Variants in KIRREL3 observed in about 807,000 individuals in gnomAD.
KIRREL3 encodes kirre like nephrin family adhesion molecule 3.
In KIRREL3, 36 loss-of-function variants were observed where a neutral mutation model predicts 89.7. The ratio of observed to expected loss-of-function variants is 0.40; its 90% CI spans 0.31 to 0.53. KIRREL3 has a LOEUF of 0.53. Ranked by LOEUF, KIRREL3 falls within the 20% of genes least tolerant of loss-of-function variation. The pLI is 0.49. For synonymous variants in KIRREL3, 445 were observed against 441.4 expected, an observed-to-expected ratio of 1.01 and a Z score of -0.10; for missense variants, 864 against 1,056.6, an observed-to-expected ratio of 0.82 and a Z score of 2.53.
At chr11:126,861,953 T>A (rs1022482539) in intron 1 of KIRREL3, among the ~76,000 whole-genome samples, 8 of 152,186 alleles carry the variant, frequency 5.3e-5, no homozygotes. Context: ...ATCAGACCAG[T>A]TGAGTGCACA....
intron 1 of KIRREL3, among the ~76,000 whole-genome samples, chr11:126,762,686 A>G (rs570033625): frequency 2.6e-5 from 4 of 152,314 alleles, no homozygotes; most frequent in South Asian, 4.1e-4. Context: ...TGCTAGTGAC[A>G]GAGCAATAAG....
chr11:126,593,424 T>C (rs891605418), intron 1 of KIRREL3, among the ~76,000 whole-genome samples: 1 of 152,172 alleles, frequency 6.6e-6, no homozygotes, highest in Non-Finnish European at 1.5e-5. Flanking sequence ...AGCCACTCCC[T>C]ACCCACTGTG....
intron 4 of KIRREL3, among the ~76,000 whole-genome samples, chr11:126,512,340 C>G (rs10893527): frequency 6.6e-6 from 1 of 152,068 alleles, no homozygotes; most frequent in Non-Finnish European, 1.5e-5. Flanking sequence ...GTCCTTGAGG[C>G]GAAGCTGTCC....
chr11:126,427,641 G>C lies in KIRREL3; in HGVS notation c.1806+1538C>G, dbSNP rs1472121997. ...GGAAAATGGAGCTGGAGAGGTTGGT[G>C]GTTGCCTGGCACTGAGGAGCCCTGA... On this transcript the variant is annotated intron_variant, in intron 15 of 16. Coordinates refer to ENST00000525144, the MANE Select transcript of KIRREL3 (RefSeq NM_032531.4). The surrounding 1 kb of genome is among the most constrained non-coding windows in gnomAD (Gnocchi z 5.3). 6.6e-6 allele frequency among the ~76,000 whole-genome samples: 1 copy of C among 152,178 alleles called. No individual in the cohort carries two copies. Among genetic ancestry groups the C allele is most frequent in the Non-Finnish European group, 1.5e-5 (1 of 68,036 alleles).
chr11:126,937,213 T>C (rs1053564918), intron 1 of KIRREL3: 2 of 152,234 alleles, frequency 1.3e-5, no homozygotes, highest in Admixed American at 6.5e-5. Context: ...ACCCGTCAAC[T>C]AGTACTGAAA....
At chr11:126,451,309 T>C (rs371396063) in intron 7 of KIRREL3, among the ~76,000 whole-genome samples, 25 of 125,210 alleles carry the variant, frequency 2.0e-4, no homozygotes, top group South Asian at 1.5e-3. Flanking sequence ...TGCATGTGTG[T>C]GCATGTGGTT....
chr11:126,948,157 C>T lies in KIRREL3; in HGVS notation c.55+52298G>A, dbSNP rs1948671848. On this transcript the variant is annotated intron_variant, in intron 1 of 16. Coordinates refer to ENST00000525144, the MANE Select transcript of KIRREL3 (RefSeq NM_032531.4). This position sits in a 1 kb window ranked among gnomAD's most constrained non-coding sequence, Gnocchi z 4.5. ...CCTAGTGGTTAACCCTCAATAAATG[C>T]TTTTTGTAATCAACTTAAAGTATAA... 1.3e-5 allele frequency among the ~76,000 whole-genome samples: 2 copies of T among 152,084 alleles called. No homozygotes were observed. Among genetic ancestry groups the T allele is most frequent in the Admixed American group, 6.6e-5 (1 of 15,262 alleles).
Position 126,526,708 on chromosome 11 carries a change from A to G in KIRREL3, c.134-21T>C, listed in dbSNP as rs1349929373. 1.1e-5 allele frequency: 17 copies of G among 1,548,858 alleles called. No homozygotes were observed. Among genetic ancestry groups the G allele is most frequent in the Non-Finnish European group, 1.4e-5 (16 of 1,144,122 alleles). On this transcript the variant is annotated intron_variant, in intron 2 of 16. Coordinates refer to ENST00000525144, the MANE Select transcript of KIRREL3 (RefSeq NM_032531.4). This position sits in a 1 kb window ranked among gnomAD's most constrained non-coding sequence, Gnocchi z 5.7. ...TTGGCCTGGGAAGGAGACAAACACA[A>G]TGGTCAGTTATCTGCCGGCTACAGG...
chr11:126,882,045 CCT>C (rs1229166114), intron 1 of KIRREL3, among the ~76,000 whole-genome samples: 1 of 152,040 alleles, frequency 6.6e-6, no homozygotes, highest in African/African-American at 2.4e-5. Flanking sequence ...TAAATAGGCC[CCT>C]GATTGGTCAG....
In KIRREL3 at chr11:126,608,710, C is replaced by A. The variant is rs1942995792; in HGVS notation, c.56-45798G>T. ...GTGGTCCCAGAGGCACTGAGGACTC[C>A]TCCTGGAGGCAGGCAGGGGGCTGTC... On this transcript the variant is annotated intron_variant, in intron 1 of 16. Coordinates refer to ENST00000525144, the MANE Select transcript of KIRREL3 (RefSeq NM_032531.4). The surrounding 1 kb of genome is among the most constrained non-coding windows in gnomAD (Gnocchi z 4.9). Among the ~76,000 whole-genome samples the A allele has an allele frequency of 6.6e-6, 1 of 151,712 alleles. No homozygotes were observed. Among genetic ancestry groups the A allele is most frequent in the Non-Finnish European group, 1.5e-5 (1 of 68,050 alleles).
chr11:126,463,170 G>A lies in KIRREL3; in HGVS notation c.729C>T (p.Thr243=). ...AIPGGKETSV[T]IDIQHPPLVN... ...GTGGGTACTCACGCTGGATGTCAAT[G>A]GTGACCGACGTCTCCTTTCCTCCGG... The change falls in exon 6 of 17, where the codon ACC becomes ACT. Residue 243 remains threonine, a synonymous_variant. Transcript: ENST00000525144. The surrounding 1 kb of genome is among the most constrained non-coding windows in gnomAD (Gnocchi z 5.9). 1 of 1,613,380 alleles carries A rather than the reference G, an allele frequency of 6.2e-7. No individual in the cohort carries two copies. Among genetic ancestry groups the A allele is most frequent in the Non-Finnish European group, 8.5e-7 (1 of 1,179,816 alleles).
intron 4 of KIRREL3, among the ~76,000 whole-genome samples, chr11:126,505,937 A>C (rs1043615012): frequency 2.0e-5 from 3 of 152,230 alleles, no homozygotes; most frequent in Non-Finnish European, 4.4e-5. Flanking sequence ...ATTTTTTTGC[A>C]GATGTTGACA....
At chr11:126,500,386 T>G (rs1030114726) in intron 4 of KIRREL3, among the ~76,000 whole-genome samples, 2 of 152,220 alleles carry the variant, frequency 1.3e-5, no homozygotes, top group African/African-American at 4.8e-5. Context: ...GAGTCCAGAC[T>G]CAAAGCCTGC....
intron 1 of KIRREL3, among the ~76,000 whole-genome samples, chr11:126,781,440 C>T (rs968282690): frequency 2.6e-5 from 4 of 152,314 alleles, no homozygotes; most frequent in African/African-American, 9.6e-5. Flanking sequence ...TCTGCTTTCT[C>T]TATGCATGGT....
intron 1 of KIRREL3, among the ~76,000 whole-genome samples, chr11:126,862,912 C>T (rs931287180): frequency 6.6e-6 from 1 of 152,338 alleles, no homozygotes; most frequent in East Asian, 1.9e-4. Context: ...AGTTTCTCAC[C>T]GTGGCTTTCT....
Position 126,702,374 on chromosome 11 carries a change from T to C in KIRREL3, c.56-139462A>G, listed in dbSNP as rs531545652. Reference sequence around the variant, plus strand: ...CAAATCTATGACATCATGATGATTATGATGATTGTTGCAAATGTCACATCT... The same window carrying C: ...CAAATCTATGACATCATGATGATTACGATGATTGTTGCAAATGTCACATCT... On this transcript the variant is annotated intron_variant, in intron 1 of 16. Coordinates refer to ENST00000525144, the MANE Select transcript of KIRREL3 (RefSeq NM_032531.4). Among the ~76,000 whole-genome samples the C allele has an allele frequency of 1.3e-3, 198 of 152,332 alleles. 4 individuals carry two copies. The highest frequency in any genetic ancestry group is 1.3e-3 in the Admixed American group (20 of 15,302).
At chr11:126,726,851 T>C (rs3911927) in intron 1 of KIRREL3, among the ~76,000 whole-genome samples, 132,141 of 152,204 alleles carry the variant, frequency 0.87, 57,458 homozygotes, top group East Asian at 0.99. Context: ...TGTGCTATTG[T>C]TTTTCCACTT....
In KIRREL3 at chr11:126,817,664, C is replaced by T. The variant is rs561016753; in HGVS notation, c.55+182791G>A. ...AATGACATGCAGAAGAGCAATGAGACCAATGCCAGATCCCAGAGGGGTCAG... is the reference window on the plus strand; with the variant it reads ...AATGACATGCAGAAGAGCAATGAGATCAATGCCAGATCCCAGAGGGGTCAG... On this transcript the variant is annotated intron_variant, in intron 1 of 16. Coordinates refer to ENST00000525144, the MANE Select transcript of KIRREL3 (RefSeq NM_032531.4). This position sits in a 1 kb window ranked among gnomAD's most constrained non-coding sequence, Gnocchi z 5.7. 6.6e-6 allele frequency among the ~76,000 whole-genome samples: 1 copy of T among 152,264 alleles called. No homozygotes were observed. Among genetic ancestry groups the T allele is most frequent in the East Asian group, 1.9e-4 (1 of 5,174 alleles).
Position 126,489,562 on chromosome 11 carries a change from C to A in KIRREL3, c.434-16096G>T, listed in dbSNP as rs961991954. Among the ~76,000 whole-genome samples, 1 of 152,086 alleles carries A rather than the reference C, an allele frequency of 6.6e-6. No homozygotes were observed. Among genetic ancestry groups the A allele is most frequent in the Non-Finnish European group, 1.5e-5 (1 of 68,010 alleles). On this transcript the variant is annotated intron_variant, in intron 4 of 16. Coordinates refer to ENST00000525144, the MANE Select transcript of KIRREL3 (RefSeq NM_032531.4). This position sits in a 1 kb window ranked among gnomAD's most constrained non-coding sequence, Gnocchi z 5.5. ...TTTGGGAGATGCTGAGATCTGTAGT[C>A]CATAAGGGCATTGCTGGATGCAGAT...
Sources: allele counts gnomAD v4.1 joint callset (sites outside exome capture counted in the v4.1 genomes callset), GRCh38; gene constraint gnomAD v4.1.1; non-coding constraint Gnocchi (gnomAD v3.1); transcripts MANE v1.5; gene names NCBI Gene and HGNC (gene_info 2026-07-23, HGNC 2026-07-21).